The following TAF8 variants were observed in gnomAD, a reference collection of about 807,000 sequenced individuals.
The protein encoded by TAF8 is transcription initiation factor TFIID subunit 8.
Under a neutral mutation model 36.5 loss-of-function variants are expected in TAF8, and 47 were observed. That is an observed-to-expected ratio of 1.29 (90% CI 1.02 to 1.64). The LOEUF (loss-of-function observed/expected upper bound fraction) is 1.64, where lower values mean the gene tolerates loss of function less well. Among genes scored for constraint, TAF8 ranks in the 40% most tolerant of loss-of-function variants. TAF8 has a pLI of 0.00. For synonymous variants in TAF8, 175 were observed against 159.5 expected, an observed-to-expected ratio of 1.10 and a Z score of -0.73; for missense variants, 420 against 407.6, an observed-to-expected ratio of 1.03 and a Z score of -0.26.
rs1335203146 is a variant in TAF8, at chr6:42,078,534, A to G, written c.*989A>G. On this transcript the variant is annotated 3_prime_UTR_variant, in exon 9 of 9. Transcript: ENST00000372977. ...TGTCGGAAACAGGAGGCCACACAGC[A>G]CAGCTTTGTTTGGGGTGGGCAGGAG... 1 of 985,376 alleles carries G rather than the reference A, an allele frequency of 1.0e-6. No individual in the cohort carries two copies. Among genetic ancestry groups the G allele is most frequent in the Admixed American group, 6.2e-5 (1 of 16,246 alleles). 61.0% of individuals were successfully genotyped at this position (985,376 alleles called of 1,614,324 possible).
At chr6:42,070,215 G>A (rs536993788) in intron 7 of TAF8, among the ~76,000 whole-genome samples, 2 of 152,172 alleles carry the variant, frequency 1.3e-5, no homozygotes, top group South Asian at 2.1e-4. Context: ...AAGGCCGGGC[G>A]CGGTGGCTCA....
At chr6:42,060,120 G>A (rs900595427) in intron 5 of TAF8, among the ~76,000 whole-genome samples, 9 of 152,124 alleles carry the variant, frequency 5.9e-5, no homozygotes, top group African/African-American at 1.7e-4. Flanking sequence ...GGTAAATAAC[G>A]AGTCCTAGGA....
At chr6:42,074,677 G>A (rs1011359456) in intron 7 of TAF8, among the ~76,000 whole-genome samples, 2 of 152,110 alleles carry the variant, frequency 1.3e-5, no homozygotes, top group African/African-American at 4.8e-5. Context: ...TGGGATTATA[G>A]GCGCCTACCA....
intron 5 of TAF8, chr6:42,063,384 A>C (rs1159642292): frequency 6.6e-6 from 1 of 152,196 alleles, no homozygotes. Flanking sequence ...GCTGGTCTCA[A>C]ACTCCTGGGC....
chr6:42,080,373 CTTT>C lies in TAF8; in HGVS notation c.*2842_*2844del, dbSNP rs751949509. The stretch of plus-strand genomic sequence containing the variant: ...AGGCTATACTCTTTTTTTTTCTTTT[CTTT>C]TTTTTTTTTTTTTGAGACGGCATCT... On this transcript the variant is annotated 3_prime_UTR_variant, in exon 9 of 9. Transcript: ENST00000372977. The C allele has an allele frequency of 1.9e-4, 147 of 755,464 alleles. No homozygotes were observed. Among genetic ancestry groups the C allele is most frequent in the South Asian group, 3.6e-4 (6 of 16,690 alleles). 46.8% of individuals were successfully genotyped at this position (755,464 alleles called of 1,614,324 possible).
chr6:42,086,873 G>T, downstream of TAF8: 1 of 985,420 alleles, frequency 1.0e-6, no homozygotes, highest in South Asian at 1.4e-5. Flanking sequence ...TGCTGGTGCA[G>T]ATGCTACCCC....
At chr6:42,052,776 A>C (rs551290395) in intron 2 of TAF8, among the ~76,000 whole-genome samples, 71 of 152,262 alleles carry the variant, frequency 4.7e-4, no homozygotes, top group African/African-American at 1.7e-3. Context: ...TTTCTTAGGG[A>C]TCAACAACTA....
Position 42,080,212 on chromosome 6 carries a change from A to T in TAF8, c.*2667A>T. ...CCCAGCTGTTCTCACTGCTCTTGGG[A>T]GGTGTTGTCCCAGTCAGTGTTTCTG... On this transcript the variant is annotated 3_prime_UTR_variant, in exon 9 of 9. Coordinates refer to ENST00000372977, the MANE Select transcript of TAF8 (RefSeq NM_138572.3). 1 of 985,336 alleles carries T rather than the reference A, an allele frequency of 1.0e-6. No individual in the cohort carries two copies. Among genetic ancestry groups the T allele is most frequent in the Non-Finnish European group, 1.2e-6 (1 of 829,998 alleles). 61.0% of individuals were successfully genotyped at this position (985,336 alleles called of 1,614,324 possible).
chr6:42,077,779 G>A lies in TAF8; in HGVS notation c.*234G>A. ...AGAATTTTTTTTTTTATTTTGAGAT[G>A]GAGTCTTACTCTATCACCCAGGCTG... is the stretch of plus-strand genomic sequence containing the variant. On this transcript the variant is annotated 3_prime_UTR_variant, in exon 9 of 9. Transcript: ENST00000372977. 7.3e-7 allele frequency: 1 copy of A among 1,360,708 alleles called. No individual in the cohort carries two copies. The highest frequency in any genetic ancestry group is 9.5e-7 in the Non-Finnish European group (1 of 1,049,626). 84.3% of individuals were successfully genotyped at this position (1,360,708 alleles called of 1,614,324 possible).
intron 5 of TAF8, among the ~76,000 whole-genome samples, chr6:42,061,048 C>G (rs1765172828): frequency 6.6e-6 from 1 of 152,092 alleles, no homozygotes; most frequent in Admixed American, 6.6e-5. Flanking sequence ...TGTTTTTTTC[C>G]TCTATTCCAA....
At position 42,083,133 on chromosome 6, in the gene TAF8, A is replaced by G. The variant is rs1765968169; in HGVS notation, c.*5588A>G. ...TCAGACCTCATCCCTGGCAGCTGCTATTATGTTACTGTCAATATGACCTTA... is the reference window on the plus strand; with the variant it reads ...TCAGACCTCATCCCTGGCAGCTGCTGTTATGTTACTGTCAATATGACCTTA... On this transcript the variant is annotated 3_prime_UTR_variant, in exon 9 of 9. Transcript: ENST00000372977. The G allele has an allele frequency of 6.6e-6, 1 of 152,160 alleles. No individual in the cohort carries two copies. The highest frequency in any genetic ancestry group is 6.5e-5 in the Admixed American group (1 of 15,278). 9.4% of individuals were successfully genotyped at this position (152,160 alleles called of 1,614,324 possible). A position where few individuals can be genotyped will look rare whatever the true frequency, so the allele number is the denominator to read the frequency against.
intron 4 of TAF8, 81 bp from the exon 5 acceptor site, chr6:42,057,308 A>C: frequency 6.3e-7 from 1 of 1,579,316 alleles, no homozygotes. Flanking sequence ...TTTTTGAGAA[A>C]AGGAGGCTTT....
At chr6:42,085,668 A>T (rs531735360), downstream of TAF8, among the ~76,000 whole-genome samples, 1 of 151,258 alleles carries the variant, frequency 6.6e-6, no homozygotes, top group African/African-American at 2.4e-5. Context: ...CATAAAAATT[A>T]AAAATCAATT....
intron 8 of TAF8, 34 bp downstream of exon 8, chr6:42,077,273 C>G (rs886174677): frequency 3.6e-5 from 58 of 1,600,414 alleles, no homozygotes; most frequent in Non-Finnish European, 4.9e-5. Flanking sequence ...AGAGCCTTCA[C>G]TGTCCCACCG....
In TAF8 at chr6:42,073,050, T is replaced by C. The variant is rs192280304; in HGVS notation, c.781-4050T>C. On this transcript the variant is annotated intron_variant, in intron 7 of 8. Coordinates refer to ENST00000372977, the MANE Select transcript of TAF8 (RefSeq NM_138572.3). ...TAACAGGTATTTTAAATTATTATTT[T>C]ATCTCTTGATGAGAGTGCACCTCTC... Among the ~76,000 whole-genome samples the C allele has an allele frequency of 6.0e-4, 91 of 152,356 alleles. 1 individual carries two copies. The highest frequency in any genetic ancestry group is 2.2e-3 in the African/African-American group (90 of 41,580).
chr6:42,062,030 A>G (rs944151222), intron 5 of TAF8, among the ~76,000 whole-genome samples: 2 of 152,162 alleles, frequency 1.3e-5, no homozygotes, highest in Non-Finnish European at 2.9e-5. Context: ...GGCCAACTGA[A>G]TCTGTCTCTT....
chr6:42,057,595 C>A, intron 5 of TAF8, 82 bp downstream of exon 5: 1 of 1,556,992 alleles, frequency 6.4e-7, no homozygotes. Context: ...AGAGTCCAGT[C>A]CAAAAGCTTG....
At position 42,079,351 on chromosome 6, in the gene TAF8, A is replaced by G. The variant is rs796706022; in HGVS notation, c.*1806A>G. 3 of 985,432 alleles carry G rather than the reference A, an allele frequency of 3.0e-6. No individual in the cohort carries two copies. The African/African-American group carries it at 5.2e-5, about 17-fold the overall frequency. The allele number at this position is 985,432 out of a possible 1,614,324, so 61.0% of individuals were successfully genotyped here. A position where few individuals can be genotyped will look rare whatever the true frequency, so the allele number is the denominator to read the frequency against. ...TGGGGAGAACAACTTCATTCTTAAC[A>G]TACCCTACAAACCAGAAAACAAGTT... On this transcript the variant is annotated 3_prime_UTR_variant, in exon 9 of 9. Coordinates refer to ENST00000372977, the MANE Select transcript of TAF8 (RefSeq NM_138572.3).
chr6:42,083,626 T>C (rs1275588202), downstream of TAF8, among the ~76,000 whole-genome samples: 1 of 152,162 alleles, frequency 6.6e-6, no homozygotes, highest in Non-Finnish European at 1.5e-5. Context: ...AACAAGTGTG[T>C]GTGTATCAGC....
Sources: allele counts gnomAD v4.1 joint callset (sites outside exome capture counted in the v4.1 genomes callset), GRCh38; gene constraint gnomAD v4.1.1; transcripts MANE v1.5; gene names NCBI Gene and HGNC (gene_info 2026-07-23, HGNC 2026-07-21).